Variants in ITPR1 observed in about 807,000 individuals in gnomAD.
ITPR1 encodes inositol 1,4,5-trisphosphate receptor type 1, also known as inositol 1,4,5-trisphosphate-gated calcium channel ITPR1.
Under a neutral mutation model 318.4 loss-of-function variants are expected in ITPR1, and 96 were observed. The observed-to-expected ratio is 0.30, with a 90% CI of 0.26 to 0.36. The LOEUF (loss-of-function observed/expected upper bound fraction) is 0.36, where lower values mean the gene tolerates loss of function less well. ITPR1 is among the 10% of genes least tolerant of loss of function. ITPR1 has a pLI of 1.00. For missense variants in ITPR1, 2,440 were observed against 3,460.2 expected, an observed-to-expected ratio of 0.71 and a Z score of 7.40; for synonymous variants, 1,312 against 1,289.9, an observed-to-expected ratio of 1.02 and a Z score of -0.37.
In ITPR1 at chr3:4,508,957, T is replaced by C. The variant is rs527816126; in HGVS notation, c.-16-7519T>C. On this transcript the variant is annotated intron_variant, in intron 2 of 61. Transcript: ENST00000649015. ...TTCTCCAGATGTATTTCCTAGAGTA[T>C]TGACCAGGTAAGCAACATTCATCAA... is the stretch of plus-strand genomic sequence containing the variant. Among the ~76,000 whole-genome samples the C allele has an allele frequency of 1.4e-4, 21 of 152,326 alleles. No homozygotes were observed. In the South Asian group the frequency reaches 3.5e-3, roughly 26 times the overall value.
intron 61 of ITPR1, among the ~76,000 whole-genome samples, chr3:4,841,558 A>G (rs527415649): frequency 3.9e-5 from 6 of 152,268 alleles, no homozygotes; most frequent in African/African-American, 1.4e-4. Context: ...TCTGCCTTCA[A>G]GAACTAAAAG....
intron 60 of ITPR1, among the ~76,000 whole-genome samples, chr3:4,827,789 A>AGG (rs1357271304): frequency 6.6e-6 from 1 of 152,190 alleles, no homozygotes; most frequent in Non-Finnish European, 1.5e-5. Context: ...TGGTTAGAAA[A>AGG]GGGGAGGGTT....
chr3:4,735,080 A>T lies in ITPR1; in HGVS notation c.5354-84A>T, dbSNP rs892848018. ...TGAACATGGGTAAAGCATTTAGTGC[A>T]TAAAGTGTTGGTGCGTAGTAAGTAT... is the stretch of plus-strand genomic sequence containing the variant. On this transcript the variant is annotated intron_variant, in intron 43 of 61. Coordinates refer to ENST00000649015, the MANE Select transcript of ITPR1 (RefSeq NM_001378452.1). The T allele has an allele frequency of 3.6e-5, 37 of 1,035,788 alleles. No individual in the cohort carries two copies. The African/African-American group carries it at 5.3e-4, about 15-fold the overall frequency. 64.2% of individuals were successfully genotyped at this position (1,035,788 alleles called of 1,614,324 possible).
chr3:4,822,583 T>C (rs1304973821), intron 60 of ITPR1, among the ~76,000 whole-genome samples: 1 of 152,244 alleles, frequency 6.6e-6, no homozygotes, highest in Non-Finnish European at 1.5e-5. Flanking sequence ...TGCCCAGAAG[T>C]AGAGCTTTCA....
At chr3:4,822,164 G>A (rs148309115) in intron 60 of ITPR1, among the ~76,000 whole-genome samples, 2 of 152,330 alleles carry the variant, frequency 1.3e-5, no homozygotes, top group African/African-American at 4.8e-5. Context: ...CATCCGTTGG[G>A]TGGTAGACAT....
At position 4,652,177 on chromosome 3, in the gene ITPR1, C is replaced by A. The variant is rs769678088; in HGVS notation, c.910C>A (p.Arg304Ser). ...AGCAGGGTATTGGAACAGCCTTTTC[C>A]GTTTCAAGCATCTGGCCACGGGGCA... ...GGAGYWNSLF[R>S]FKHLATGHYL... Residue 304 changes from arginine (R) to serine (S), a missense_variant, in exon 11 of 62, where the codon CGT (arginine) becomes AGT (serine). This residue lies in a region of ITPR1 where 32 missense variants were observed against 62.7 expected (regional missense o/e 0.51). Coordinates refer to ENST00000649015, the MANE Select transcript of ITPR1 (RefSeq NM_001378452.1). The A allele has an allele frequency of 6.2e-7, 1 of 1,612,978 alleles. No homozygotes were observed. Among genetic ancestry groups the A allele is most frequent in the East Asian group, 2.2e-5 (1 of 44,856 alleles).
chr3:4,647,323 C>T (rs1258842896), intron 10 of ITPR1, among the ~76,000 whole-genome samples: 1 of 152,180 alleles, frequency 6.6e-6, no homozygotes, highest in Non-Finnish European at 1.5e-5. Flanking sequence ...GAGTTGTTCC[C>T]AACTTCTGGC....
In ITPR1 at chr3:4,815,060, T is replaced by G; in HGVS notation, c.7709T>G (p.Leu2570Arg). 1 of 1,610,464 alleles carries G rather than the reference T, an allele frequency of 6.2e-7. No homozygotes were observed. The highest frequency in any genetic ancestry group is 8.5e-7 in the Non-Finnish European group (1 of 1,177,544). The change falls in exon 59 of 62, where the codon CTG (leucine) becomes CGG (arginine). Residue 2570 changes from leucine (L) to arginine (R), a missense_variant. This residue lies in a region of ITPR1 where 72 missense variants were observed against 197.7 expected (regional missense o/e 0.36). Transcript: ENST00000649015. ...VLRKPSKEEP[L>R]FAARVIYDLL... ...GACACCTCTCTTTTCCAGGAACCCC[T>G]GTTTGCTGCTAGAGTTATTTATGAC... is the stretch of plus-strand genomic sequence containing the variant.
intron 52 of ITPR1, among the ~76,000 whole-genome samples, chr3:4,789,505 C>T (rs1052471897): frequency 6.6e-6 from 1 of 152,228 alleles, no homozygotes; most frequent in Non-Finnish European, 1.5e-5. Context: ...ATTTTTCTAG[C>T]TATTATGTTA....
At chr3:4,842,614 T>A (rs1559995980) in intron 61 of ITPR1, among the ~76,000 whole-genome samples, 2 of 152,156 alleles carry the variant, frequency 1.3e-5, no homozygotes. Context: ...GTGATCTGCC[T>A]CCCAAAGTGC....
intron 4 of ITPR1, among the ~76,000 whole-genome samples, chr3:4,562,087 T>TTAAATAAA (rs35311121): frequency 0.032 from 4,749 of 148,978 alleles, 94 homozygotes; most frequent in Middle Eastern, 0.055. Context: ...GCTTATGAGC[T>TTAAATAAA]TAAATAAATA....
rs141414633 is a variant in ITPR1 at position 4,650,401 on chromosome 3, A to T, written c.856-1722A>T. The stretch of plus-strand genomic sequence containing the variant: ...TTCATTTTGAAGGACTTTTTGTTGG[A>T]TATAGAATTCTAGGTAGATAGTTTT... On this transcript the variant is annotated intron_variant, in intron 10 of 61. Transcript: ENST00000649015. Among the ~76,000 whole-genome samples the T allele has an allele frequency of 1.2e-3, 184 of 152,200 alleles. 1 individual carries two copies. Among genetic ancestry groups the T allele is most frequent in the African/African-American group, 4.3e-3 (177 of 41,540 alleles).
At chr3:4,782,581 T>G (rs1395641465) in intron 49 of ITPR1, 38 bp from the exon 50 acceptor site, 2 of 1,577,672 alleles carry the variant, frequency 1.3e-6, no homozygotes, top group African/African-American at 2.7e-5. Context: ...TGGGTCTTCC[T>G]TGAAACAGGA....
At chr3:4,793,653 C>T (rs1316484534) in intron 52 of ITPR1, among the ~76,000 whole-genome samples, 1 of 152,036 alleles carries the variant, frequency 6.6e-6, no homozygotes, top group African/African-American at 2.4e-5. Context: ...TCCTGGCTGG[C>T]CCCCCATTCA....
intron 56 of ITPR1, among the ~76,000 whole-genome samples, chr3:4,812,431 T>G (rs73807162): frequency 0.014 from 2,125 of 152,252 alleles, 36 homozygotes; most frequent in African/African-American, 0.049. Context: ...TCTCTGGGGC[T>G]TTTTTACTAT....
intron 59 of ITPR1, among the ~76,000 whole-genome samples, chr3:4,816,951 A>G (rs4685823): frequency 0.95 from 145,359 of 152,228 alleles, 69,762 homozygotes; most frequent in East Asian, 1. Context: ...TTCTCCCCAC[A>G]TATGTGTTTA....
intron 39 of ITPR1, among the ~76,000 whole-genome samples, chr3:4,714,704 G>T (rs2041637682): frequency 6.6e-6 from 1 of 152,168 alleles, no homozygotes; most frequent in Non-Finnish European, 1.5e-5. Flanking sequence ...ACGAGACGTA[G>T]GTACCTTTAC....
intron 4 of ITPR1, among the ~76,000 whole-genome samples, chr3:4,579,426 A>G (rs1214559811): frequency 1.3e-5 from 2 of 152,226 alleles, no homozygotes; most frequent in African/African-American, 4.8e-5. Context: ...TACAGCTTAA[A>G]CATTGAAAAT....
At chr3:4,516,371 A>T in intron 2 of ITPR1, 105 bp from the exon 3 acceptor site, 1 of 593,128 alleles carries the variant, frequency 1.7e-6, no homozygotes, top group Non-Finnish European at 2.9e-6. Context: ...TTGACTTTTA[A>T]GTAAGGCGCT....
Sources: allele counts gnomAD v4.1 joint callset (sites outside exome capture counted in the v4.1 genomes callset), GRCh38; gene constraint gnomAD v4.1.1; regional missense constraint gnomAD v4.1.1; transcripts MANE v1.5; gene names NCBI Gene and HGNC (gene_info 2026-07-23, HGNC 2026-07-21).